The following NHERF2 variants were observed in gnomAD, a reference collection of about 807,000 sequenced individuals.
The protein encoded by NHERF2 is NHERF family PDZ scaffold protein 2.
the NHERF2 span, chr16:2,037,775 G>C: frequency 6.4e-7 from 1 of 1,553,116 alleles, no homozygotes; most frequent in Non-Finnish European, 8.7e-7. Flanking sequence ...ACCGTCTGGG[G>C]TGTGGGACTA....
At chr16:2,036,512 C>G in the NHERF2 span, 1 of 1,575,486 alleles carries the variant, frequency 6.3e-7, no homozygotes, top group East Asian at 2.3e-5. Context: ...AGGTACCGGC[C>G]CACCAGGGCT....
the NHERF2 span, chr16:2,036,595 G>T: frequency 3.3e-6 from 5 of 1,521,146 alleles, no homozygotes; most frequent in South Asian, 4.9e-5. Context: ...GAGACGCTGG[G>T]AACCTGAGCT....
At chr16:2,037,057 A>G in the NHERF2 span, 1 of 1,531,058 alleles carries the variant, frequency 6.5e-7, no homozygotes, top group East Asian at 2.4e-5. Context: ...CAGGCCCGAC[A>G]GAGGCCCCCT....
At chr16:2,029,641 G>A in the NHERF2 span, 1 of 1,576,210 alleles carries the variant, frequency 6.3e-7, no homozygotes, top group East Asian at 2.3e-5. Flanking sequence ...TGGACCAGGA[G>A]ACAGATGAGG....
the NHERF2 span, among the ~76,000 whole-genome samples, chr16:2,029,042 T>C: frequency 6.6e-6 from 1 of 151,578 alleles, no homozygotes; most frequent in African/African-American, 2.4e-5. Flanking sequence ...GGCCTGGAGG[T>C]AGATATAAGG....
At chr16:2,027,282 C>T in the NHERF2 span, 2 of 1,062,410 alleles carry the variant, frequency 1.9e-6, no homozygotes, top group Middle Eastern at 3.5e-4. Context: ...CTGGGGCGAG[C>T]AGGGGTCGCA....
At chr16:2,037,650 T>C in the NHERF2 span, 7 of 1,595,460 alleles carry the variant, frequency 4.4e-6, no homozygotes, top group Non-Finnish European at 6.0e-6. Flanking sequence ...GCTAGAGGCC[T>C]TGGGGTAGGC....
At chr16:2,032,891 C>A in the NHERF2 span, 1 of 1,031,182 alleles carries the variant, frequency 9.7e-7, no homozygotes, top group Non-Finnish European at 1.2e-6. The surrounding 1 kb of genome is among the most constrained non-coding windows in gnomAD (Gnocchi z 4.0). Flanking sequence ...CCACCCCCAT[C>A]TGGAGGGCCT....
the NHERF2 span, chr16:2,033,207 T>C: frequency 6.8e-7 from 1 of 1,478,536 alleles, no homozygotes; most frequent in Non-Finnish European, 9.0e-7. Flanking sequence ...CTCCCCAGAG[T>C]GACTCAGCCC....
chr16:2,032,088 C>T, the NHERF2 span, among the ~76,000 whole-genome samples: 4 of 149,148 alleles, frequency 2.7e-5, no homozygotes, highest in Non-Finnish European at 4.4e-5. This position sits in a 1 kb window ranked among gnomAD's most constrained non-coding sequence, Gnocchi z 4.0. Flanking sequence ...GGTGCGATCT[C>T]GGCTCACTGC....
At chr16:2,038,272 C>T in the NHERF2 span, 16 of 551,040 alleles carry the variant, frequency 2.9e-5, no homozygotes, top group African/African-American at 1.5e-4. Context: ...AGCGAGCGAG[C>T]GCGCGGCAGC....
At chr16:2,035,799 G>A in the NHERF2 span, 2 of 532,388 alleles carry the variant, frequency 3.8e-6, no homozygotes, top group Non-Finnish European at 4.8e-6. Flanking sequence ...CCTGCTTGCT[G>A]GGCCCACGGG....
the NHERF2 span, among the ~76,000 whole-genome samples, chr16:2,027,991 C>T: frequency 6.6e-6 from 1 of 152,238 alleles, no homozygotes; most frequent in Admixed American, 6.5e-5. Flanking sequence ...AGCCTCCTGC[C>T]TCCTGGCTAA....
the NHERF2 span, chr16:2,033,063 C>G: frequency 2.3e-6 from 3 of 1,312,530 alleles, no homozygotes; most frequent in East Asian, 3.4e-5. Flanking sequence ...TCCCTGTCCC[C>G]TCAGCCCTGG....
the NHERF2 span, among the ~76,000 whole-genome samples, chr16:2,028,186 G>C: frequency 6.6e-6 from 1 of 152,240 alleles, no homozygotes; most frequent in South Asian, 2.1e-4. Flanking sequence ...CTGGAACCTA[G>C]AGATTAGCAG....
the NHERF2 span, chr16:2,026,944 C>T: frequency 3.4e-5 from 24 of 701,748 alleles, no homozygotes; most frequent in Admixed American, 5.1e-4. Flanking sequence ...TGCCCAGCGC[C>T]GCCGCCGCCC....
the NHERF2 span, chr16:2,029,427 T>TG: frequency 3.6e-6 from 2 of 556,570 alleles, no homozygotes; most frequent in East Asian, 3.1e-5. Context: ...AGTCCGGGGG[T>TG]GGGGGGCGGG....
the NHERF2 span, chr16:2,035,429 CAG>C: frequency 2.0e-6 from 2 of 985,838 alleles, no homozygotes; most frequent in Non-Finnish European, 2.4e-6. Context: ...CAGGGACACA[CAG>C]GGAGGTAGGA....
chr16:2,032,146 A>T, the NHERF2 span, among the ~76,000 whole-genome samples: 1 of 150,450 alleles, frequency 6.6e-6, no homozygotes, highest in Admixed American at 6.6e-5. This position sits in a 1 kb window ranked among gnomAD's most constrained non-coding sequence, Gnocchi z 4.0. Flanking sequence ...CAGCCTGCTG[A>T]GTAGCTGGGA....
Sources: gnomAD v4.1 joint callset for allele counts (sites outside exome capture counted in the v4.1 genomes callset) on GRCh38, gnomAD v4.1.1 for gene constraint, Gnocchi (gnomAD v3.1) non-coding constraint, MANE v1.5 for transcripts, NCBI Gene and HGNC (gene_info 2026-07-23, HGNC 2026-07-21) for gene names.